Variants in PCDHGA3 observed in about 807,000 individuals in gnomAD.
The protein encoded by PCDHGA3 is protocadherin gamma subfamily A, 3.
A neutral mutation model predicts 58.5 loss-of-function variants in PCDHGA3; 40 were observed. The ratio of observed to expected loss-of-function variants is 0.68; its 90% confidence interval spans 0.53 to 0.89. The LOEUF (loss-of-function observed/expected upper bound fraction) is 0.89. PCDHGA3 is among the 40% of genes least tolerant of loss of function. PCDHGA3 has a pLI of 0.00. For synonymous variants in PCDHGA3, 530 were observed against 525.7 expected (o/e 1.01, Z -0.11); for missense variants, 1,223 against 1,195.9 (o/e 1.02, Z -0.33).
chr5:141,372,977 T>G, intron 1 of PCDHGA3: 1 of 661,716 alleles, frequency 1.5e-6, no homozygotes, highest in Non-Finnish European at 2.5e-6. Flanking sequence ...CTGTAGAATA[T>G]CTGTGTTGCA....
rs774055546 is a variant in PCDHGA3, at chr5:141,360,808, A to T, written c.2424+14351A>T. On this transcript the variant is annotated intron_variant, in intron 1 of 3. Transcript: ENST00000253812. ...TGGCGGAGACCCACCTCAAAGTGGC[A>T]CGACCCAAATCCGAATCAAAGTCAC... is the stretch of plus-strand genomic sequence containing the variant. The T allele has an allele frequency of 1.9e-6, 3 of 1,613,856 alleles. No individual in the cohort carries two copies. The African/African-American group carries it at 4.0e-5, about 22-fold the overall frequency.
rs1223618064 is a variant in PCDHGA3 at position 141,512,867 on chromosome 5, C to T, written c.*1694C>T. On this transcript the variant is annotated 3_prime_UTR_variant, in exon 4 of 4. Transcript: ENST00000253812. The stretch of plus-strand genomic sequence containing the variant: ...ATAAGCGCTTCTCTTCGCATAGTCA[C>T]GTAGCTCCCACCCCACCCTCTTCCT... 1 of 152,184 alleles carries T rather than the reference C, an allele frequency of 6.6e-6. No homozygotes were observed. The highest frequency in any genetic ancestry group is 1.5e-5 in the Non-Finnish European group (1 of 68,056). The allele number at this position is 152,184 out of a possible 1,614,324, so 9.4% of individuals were successfully genotyped here. A position where few individuals can be genotyped will look rare whatever the true frequency, so the allele number is the denominator to read the frequency against.
chr5:141,362,045 C>T (rs573308473), intron 1 of PCDHGA3: 5 of 1,610,542 alleles, frequency 3.1e-6, no homozygotes, highest in Non-Finnish European at 4.2e-6. Flanking sequence ...GACAGGGACG[C>T]GGCCCGCCAG....
At chr5:141,403,551 T>G in intron 1 of PCDHGA3, 1 of 1,613,986 alleles carries the variant, frequency 6.2e-7, no homozygotes, top group Non-Finnish European at 8.5e-7. Context: ...GAGCGCGCCC[T>G]GGACAGGGAG....
At chr5:141,508,017 G>C (rs2099865601) in intron 3 of PCDHGA3, 1 of 152,310 alleles carries the variant, frequency 6.6e-6, no homozygotes, top group Non-Finnish European at 1.5e-5. Context: ...TCTCAAGGAG[G>C]CTGCGGTTTG....
At chr5:141,447,032 C>A (rs1412709585) in intron 1 of PCDHGA3, among the ~76,000 whole-genome samples, 1 of 149,498 alleles carries the variant, frequency 6.7e-6, no homozygotes, top group Admixed American at 6.6e-5. Context: ...TGTTTTTTTT[C>A]TGTGTCTGGA....
Position 141,431,151 on chromosome 5 carries a change from C to A in PCDHGA3, c.2425-63656C>A, listed in dbSNP as rs764416448. On this transcript the variant is annotated intron_variant, in intron 1 of 3. Transcript: ENST00000253812. This position sits in a 1 kb window ranked among gnomAD's most constrained non-coding sequence, Gnocchi z 4.8. Reference sequence around the variant, plus strand: ...GTAAGGGACATTAACGACAATGCGCCTTACTTTCGTGAAAGTGAATTAGAA... The same window carrying A: ...GTAAGGGACATTAACGACAATGCGCATTACTTTCGTGAAAGTGAATTAGAA... 7.4e-6 allele frequency: 12 copies of A among 1,614,126 alleles called. No individual in the cohort carries two copies. Among genetic ancestry groups the A allele is most frequent in the Middle Eastern group, 1.6e-4 (1 of 6,084 alleles).
chr5:141,392,280 G>A (rs1299678398), intron 1 of PCDHGA3: 3 of 152,190 alleles, frequency 2.0e-5, no homozygotes, highest in African/African-American at 7.2e-5. Context: ...AAAGCTTAGA[G>A]CACAATGGGA....
At chr5:141,360,569 C>A in intron 1 of PCDHGA3, 1 of 1,613,934 alleles carries the variant, frequency 6.2e-7, no homozygotes. Flanking sequence ...ATTGGCGAAT[C>A]CACTAAGCCA....
chr5:141,482,885 A>G (rs1353686606), intron 1 of PCDHGA3, among the ~76,000 whole-genome samples: 2 of 152,202 alleles, frequency 1.3e-5, no homozygotes. Flanking sequence ...CAGCCTGGCC[A>G]ACATGGTGAA....
intron 1 of PCDHGA3, chr5:141,351,557 A>G: frequency 1.2e-6 from 2 of 1,614,024 alleles, no homozygotes; most frequent in Non-Finnish European, 1.7e-6. Context: ...CTCCAGGACA[A>G]GCATCACCCT....
chr5:141,357,153 GC>G, intron 1 of PCDHGA3: 12 of 1,613,624 alleles, frequency 7.4e-6, no homozygotes, highest in Non-Finnish European at 1.0e-5. Context: ...ACCATGGCCA[GC>G]CCCCTCTCTC....
intron 1 of PCDHGA3, chr5:141,413,581 A>T: frequency 1.9e-6 from 3 of 1,613,920 alleles, no homozygotes; most frequent in Non-Finnish European, 2.5e-6. Context: ...CAATGCTCCA[A>T]AATTCCAAGC....
chr5:141,388,510 A>T, intron 1 of PCDHGA3: 5 of 1,613,846 alleles, frequency 3.1e-6, no homozygotes, highest in Non-Finnish European at 4.2e-6. Context: ...AAATCCTACC[A>T]CTTGACTTTG....
rs553673516 is a variant in PCDHGA3, at chr5:141,476,211, T to C, written c.2425-18596T>C. The C allele has an allele frequency of 5.4e-5, 87 of 1,613,942 alleles. No individual in the cohort carries two copies. The highest frequency in any genetic ancestry group is 7.0e-5 in the Non-Finnish European group (83 of 1,180,000). ...GGTGCCTTGAACAAGGCTTCCACGG[T>C]CATTCACTATGAGATCCCGGAGGAA... On this transcript the variant is annotated intron_variant, in intron 1 of 3. Coordinates refer to ENST00000253812, the MANE Select transcript of PCDHGA3 (RefSeq NM_018916.4). The surrounding 1 kb of genome is among the most constrained non-coding windows in gnomAD (Gnocchi z 7.6).
At position 141,490,108 on chromosome 5, in the gene PCDHGA3, C is replaced by T. The variant is rs566655929; in HGVS notation, c.2425-4699C>T. 1.4e-5 allele frequency: 22 copies of T among 1,614,244 alleles called. No individual in the cohort carries two copies. Among genetic ancestry groups the T allele is most frequent in the South Asian group, 5.5e-5 (5 of 91,090 alleles). The stretch of plus-strand genomic sequence containing the variant: ...TGGAGACCACACATCTGAGGCAGTG[C>T]GGAACCTCTTTGGCCTAGACCCTAG... On this transcript the variant is annotated intron_variant, in intron 1 of 3. Coordinates refer to ENST00000253812, the MANE Select transcript of PCDHGA3 (RefSeq NM_018916.4). This position sits in a 1 kb window ranked among gnomAD's most constrained non-coding sequence, Gnocchi z 5.4.
intron 1 of PCDHGA3, chr5:141,422,102 T>A: frequency 6.2e-7 from 1 of 1,609,526 alleles, no homozygotes; most frequent in Non-Finnish European, 8.5e-7. Context: ...GCTTCTGAAA[T>A]ATTCCAATTG....
rs1763342277 is a variant in PCDHGA3, at chr5:141,364,464, T to C, written c.2424+18007T>C. 1.2e-6 allele frequency: 2 copies of C among 1,613,996 alleles called. No individual in the cohort carries two copies. The highest frequency in any genetic ancestry group is 1.3e-5 in the African/African-American group (1 of 75,072). On this transcript the variant is annotated intron_variant, in intron 1 of 3. Transcript: ENST00000253812. The stretch of plus-strand genomic sequence containing the variant: ...GAGGAGCTGGACAAAGGCTCCTTCG[T>C]CGGCAACATAGCCAAGGACCTTGGG...
chr5:141,361,132 A>C (rs958485360), intron 1 of PCDHGA3: 1 of 1,613,986 alleles, frequency 6.2e-7, no homozygotes, highest in Admixed American at 1.7e-5. Context: ...CCACTGCAGT[A>C]TCCAAGTTGA....
Sources: gnomAD v4.1 joint callset for allele counts (sites outside exome capture counted in the v4.1 genomes callset) on GRCh38, gnomAD v4.1.1 for gene constraint, Gnocchi (gnomAD v3.1) non-coding constraint, MANE v1.5 for transcripts, NCBI Gene and HGNC (gene_info 2026-07-23, HGNC 2026-07-21) for gene names.